Variants in JAZF1 observed in about 807,000 individuals in gnomAD.
JAZF1 encodes JAZF zinc finger 1.
A neutral mutation model predicts 26.4 loss-of-function variants in JAZF1; 8 were observed. The ratio of observed to expected loss-of-function variants is 0.30; its 90% CI spans 0.18 to 0.55. The LOEUF (loss-of-function observed/expected upper bound fraction) is 0.55. Among genes scored for constraint, JAZF1 ranks in the 20% least tolerant of loss-of-function variants. The probability of loss-of-function intolerance (pLI) is 0.94; values close to 1 mark genes in which losing one functional copy is unlikely to be tolerated. For synonymous variants in JAZF1, 126 were observed against 122.3 expected, an observed-to-expected ratio of 1.03 and a Z score of -0.20; for missense variants, 199 against 322.0, an observed-to-expected ratio of 0.62 and a Z score of 2.92.
intron 3 of JAZF1, among the ~76,000 whole-genome samples, chr7:27,851,876 G>A (rs554062497): frequency 3.2e-4 from 49 of 152,068 alleles, no homozygotes; most frequent in Admixed American, 6.5e-5. Flanking sequence ...AACTGACCTC[G>A]GGCCAGTGGA....
Position 28,010,215 on chromosome 7 carries a change from G to A in JAZF1, c.116-18234C>T, listed in dbSNP as rs77403702. Among the ~76,000 whole-genome samples, 520 of 152,262 alleles carry A rather than the reference G, an allele frequency of 3.4e-3. 2 individuals carry two copies. Among genetic ancestry groups the A allele is most frequent in the Non-Finnish European group, 5.7e-3 (387 of 68,024 alleles). On this transcript the variant is annotated intron_variant, in intron 1 of 4. Transcript: ENST00000283928. Reference sequence around the variant, plus strand: ...TTTGGTTAGGTTCAGAGAAAATCAGGGGGTGAAAGGAGAGGGTGGTCCAGT... The same window carrying A: ...TTTGGTTAGGTTCAGAGAAAATCAGAGGGTGAAAGGAGAGGGTGGTCCAGT...
intron 2 of JAZF1, among the ~76,000 whole-genome samples, chr7:27,900,572 A>C (rs1440415872): frequency 6.6e-6 from 1 of 152,192 alleles, no homozygotes; most frequent in Non-Finnish European, 1.5e-5. Flanking sequence ...AAGTCAGTTC[A>C]ACATTTGCCA....
At chr7:28,156,978 A>G (rs1312310263) in intron 1 of JAZF1, among the ~76,000 whole-genome samples, 1 of 152,230 alleles carries the variant, frequency 6.6e-6, no homozygotes, top group East Asian at 1.9e-4. Flanking sequence ...GTATAAATAA[A>G]GACAGTCTTC....
intron 3 of JAZF1, among the ~76,000 whole-genome samples, chr7:27,858,459 T>A (rs1783311893): frequency 1.3e-5 from 2 of 152,174 alleles, no homozygotes; most frequent in Non-Finnish European, 2.9e-5. Flanking sequence ...GCTGGAGGCA[T>A]CATCCTACCT....
At chr7:28,116,104 T>C (rs1367749969) in intron 1 of JAZF1, among the ~76,000 whole-genome samples, 1 of 152,246 alleles carries the variant, frequency 6.6e-6, no homozygotes, top group Non-Finnish European at 1.5e-5. Context: ...AATGGTCTAA[T>C]GAGACACCTA....
chr7:28,021,910 CCTCTGTT>C (rs1165030391), intron 1 of JAZF1, among the ~76,000 whole-genome samples: 2 of 152,200 alleles, frequency 1.3e-5, no homozygotes, highest in Non-Finnish European at 2.9e-5. Context: ...AATTAACTAA[CCTCTGTT>C]AGAAGGCAGG....
At chr7:27,906,203 C>T (rs902636618) in intron 2 of JAZF1, among the ~76,000 whole-genome samples, 9 of 152,134 alleles carry the variant, frequency 5.9e-5, no homozygotes, top group African/African-American at 1.9e-4. Flanking sequence ...TGAGCAAGAG[C>T]TGAGTGTCCT....
At chr7:28,119,575 T>C (rs1246621703) in intron 1 of JAZF1, among the ~76,000 whole-genome samples, 7 of 152,196 alleles carry the variant, frequency 4.6e-5, no homozygotes, top group African/African-American at 7.2e-5. Context: ...GCCCACTTTA[T>C]GACATAATCT....
chr7:28,048,326 C>T (rs1160723987), intron 1 of JAZF1, among the ~76,000 whole-genome samples: 1 of 152,098 alleles, frequency 6.6e-6, no homozygotes, highest in Non-Finnish European at 1.5e-5. Flanking sequence ...TAATCAAATC[C>T]ATTAGGTTTT....
At chr7:28,046,521 T>G (rs1220603239) in intron 1 of JAZF1, among the ~76,000 whole-genome samples, 1 of 152,228 alleles carries the variant, frequency 6.6e-6, no homozygotes, top group Non-Finnish European at 1.5e-5. Context: ...GTCCGCAGTA[T>G]AGCAGAACTG....
intron 2 of JAZF1, among the ~76,000 whole-genome samples, chr7:27,973,996 G>A (rs1315538230): frequency 1.3e-5 from 2 of 152,172 alleles, no homozygotes; most frequent in Non-Finnish European, 2.9e-5. Flanking sequence ...TTTGGTGCCT[G>A]ATTATTTGGA....
chr7:27,868,777 C>T (rs887408874), intron 3 of JAZF1, among the ~76,000 whole-genome samples: 4 of 152,174 alleles, frequency 2.6e-5, no homozygotes, highest in African/African-American at 9.7e-5. Context: ...CCTTCAAGCT[C>T]CAGTTACCCC....
intron 1 of JAZF1, among the ~76,000 whole-genome samples, chr7:28,007,265 C>T (rs7787748): frequency 0.013 from 2,011 of 152,192 alleles, 43 homozygotes; most frequent in African/African-American, 0.046. Flanking sequence ...GTTAGGAGTT[C>T]GAGACCAGTC....
intron 3 of JAZF1, among the ~76,000 whole-genome samples, chr7:27,857,939 A>C (rs1019555638): frequency 2.6e-5 from 4 of 152,222 alleles, no homozygotes; most frequent in South Asian, 2.1e-4. Context: ...TTCAAATAGG[A>C]AGAGAGGAAG....
intron 3 of JAZF1, among the ~76,000 whole-genome samples, chr7:27,881,514 AAC>A (rs1320237212): frequency 6.6e-6 from 1 of 152,162 alleles, no homozygotes; most frequent in Non-Finnish European, 1.5e-5. Flanking sequence ...TGCCAAAACT[AAC>A]TTCATCATGG....
intron 1 of JAZF1, among the ~76,000 whole-genome samples, chr7:28,017,149 G>A (rs998195493): frequency 9.2e-5 from 14 of 152,090 alleles, no homozygotes; most frequent in African/African-American, 2.2e-4. Flanking sequence ...TCAGGAGTTC[G>A]AGACCAGCCT....
At chr7:28,150,799 C>G (rs1043029523) in intron 1 of JAZF1, among the ~76,000 whole-genome samples, 2 of 152,222 alleles carry the variant, frequency 1.3e-5, no homozygotes, top group Non-Finnish European at 2.9e-5. Context: ...GGCCTGACAA[C>G]TGAAGGAGAC....
chr7:27,904,599 A>G (rs1437076504), intron 2 of JAZF1, among the ~76,000 whole-genome samples: 1 of 152,164 alleles, frequency 6.6e-6, no homozygotes, highest in Non-Finnish European at 1.5e-5. Context: ...TCCCAGAGTT[A>G]TTTCTGACTT....
At chr7:28,125,371 C>T (rs190824596) in intron 1 of JAZF1, among the ~76,000 whole-genome samples, 5 of 151,846 alleles carry the variant, frequency 3.3e-5, no homozygotes, top group African/African-American at 1.2e-4. Flanking sequence ...CACAATTTAC[C>T]GAGGGGGAAA....
Sources: gnomAD v4.1 joint callset for allele counts (sites outside exome capture counted in the v4.1 genomes callset) on GRCh38, gnomAD v4.1.1 for gene constraint, MANE v1.5 for transcripts, NCBI Gene and HGNC (gene_info 2026-07-23, HGNC 2026-07-21) for gene names.